The following GRIN2A variants were observed in gnomAD, a reference collection of about 807,000 sequenced individuals.
GRIN2A encodes the protein glutamate ionotropic receptor NMDA type subunit 2A.
Under a neutral mutation model 113.4 loss-of-function variants are expected in GRIN2A, and 22 were observed. The ratio of observed to expected loss-of-function variants is 0.19; its 90% CI spans 0.14 to 0.28. The LOEUF (loss-of-function observed/expected upper bound fraction) is 0.28. Ranked by LOEUF, GRIN2A falls within the 10% of genes least tolerant of loss-of-function variation. The pLI, the probability that GRIN2A is intolerant of heterozygous loss-of-function variation, is 1.00. For synonymous variants in GRIN2A, 827 were observed against 738.4 expected, an observed-to-expected ratio of 1.12 and a Z score of -1.94; for missense variants, 1,502 against 1,887.0, an observed-to-expected ratio of 0.80 and a Z score of 3.78.
intron 2 of GRIN2A, among the ~76,000 whole-genome samples, chr16:10,161,418 A>G (rs1240036607): frequency 1.3e-5 from 2 of 152,126 alleles, no homozygotes; most frequent in Non-Finnish European, 2.9e-5. Context: ...CAACTTAACT[A>G]TTTGATGAAG....
At chr16:9,954,929 G>A (rs537164101) in intron 2 of GRIN2A, among the ~76,000 whole-genome samples, 5 of 152,126 alleles carry the variant, frequency 3.3e-5, no homozygotes, top group Non-Finnish European at 5.9e-5. Flanking sequence ...ACCAAGTGGC[G>A]TTAGGCTTAC....
chr16:9,972,312 C>A (rs561407933), intron 2 of GRIN2A, among the ~76,000 whole-genome samples: 14 of 152,288 alleles, frequency 9.2e-5, no homozygotes, highest in African/African-American at 3.1e-4. Flanking sequence ...ATATAGCATT[C>A]ACAAAGTGCT....
At chr16:10,164,795 C>T (rs1483588568) in intron 2 of GRIN2A, among the ~76,000 whole-genome samples, 1 of 152,128 alleles carries the variant, frequency 6.6e-6, no homozygotes, top group East Asian at 1.9e-4. Context: ...TATGCAATAC[C>T]TAGGGAATAT....
chr16:9,828,944 A>G (rs563627696), intron 9 of GRIN2A, among the ~76,000 whole-genome samples: 1 of 152,312 alleles, frequency 6.6e-6, no homozygotes, highest in East Asian at 1.9e-4. Context: ...GGCTGTATGG[A>G]AAAGAGGAGC....
At chr16:9,925,934 T>C (rs2044454736) in intron 3 of GRIN2A, among the ~76,000 whole-genome samples, 1 of 152,228 alleles carries the variant, frequency 6.6e-6, no homozygotes, top group East Asian at 1.9e-4. Context: ...AACCAAATAC[T>C]TTACTACGTT....
At chr16:9,835,702 A>C (rs186063971) in intron 7 of GRIN2A, among the ~76,000 whole-genome samples, 1 of 152,146 alleles carries the variant, frequency 6.6e-6, no homozygotes, top group Non-Finnish European at 1.5e-5. Flanking sequence ...TTTCCTAGTG[A>C]AGCTACTTAT....
intron 2 of GRIN2A, among the ~76,000 whole-genome samples, chr16:9,978,829 C>A (rs1225060728): frequency 6.6e-6 from 1 of 152,150 alleles, no homozygotes; most frequent in Non-Finnish European, 1.5e-5. Flanking sequence ...GATGACATAA[C>A]GTGGCACGGG....
At chr16:10,149,871 C>T (rs978855790) in intron 2 of GRIN2A, among the ~76,000 whole-genome samples, 15 of 152,172 alleles carry the variant, frequency 9.9e-5, no homozygotes, top group African/African-American at 3.6e-4. Context: ...AAATAAAACC[C>T]AAACTGCTCT....
intron 2 of GRIN2A, among the ~76,000 whole-genome samples, chr16:9,939,327 T>G (rs1422044544): frequency 6.6e-6 from 1 of 152,086 alleles, no homozygotes; most frequent in Non-Finnish European, 1.5e-5. Flanking sequence ...TCAGAAGCTG[T>G]AGATGAATGC....
intron 2 of GRIN2A, among the ~76,000 whole-genome samples, chr16:10,141,677 G>T (rs1041802854): frequency 2.0e-5 from 3 of 152,146 alleles, no homozygotes; most frequent in Non-Finnish European, 2.9e-5. Flanking sequence ...CATAATGCCA[G>T]ACCTTTTCAT....
chr16:10,073,704 G>A (rs963051835), intron 2 of GRIN2A, among the ~76,000 whole-genome samples: 26 of 150,990 alleles, frequency 1.7e-4, no homozygotes, highest in Non-Finnish European at 2.5e-4. Flanking sequence ...GTGAAAATAC[G>A]ACCAGCCTGG....
At chr16:10,073,644 C>A (rs950980690) in intron 2 of GRIN2A, among the ~76,000 whole-genome samples, 2 of 152,068 alleles carry the variant, frequency 1.3e-5, no homozygotes, top group African/African-American at 4.8e-5. Flanking sequence ...ACATCCTTCA[C>A]CCTTTGTCAA....
At chr16:9,797,542 C>T (rs1321679804) in intron 11 of GRIN2A, among the ~76,000 whole-genome samples, 1 of 152,186 alleles carries the variant, frequency 6.6e-6, no homozygotes, top group Non-Finnish European at 1.5e-5. Context: ...ATAGAGATTG[C>T]CTTTCCTTCA....
chr16:10,091,057 G>T (rs1436086154), intron 2 of GRIN2A, among the ~76,000 whole-genome samples: 3 of 152,208 alleles, frequency 2.0e-5, no homozygotes, highest in Non-Finnish European at 4.4e-5. Flanking sequence ...GTGTTGGCAA[G>T]GATTCACAGA....
At chr16:9,821,355 C>T (rs555987749) in intron 10 of GRIN2A, among the ~76,000 whole-genome samples, 4 of 152,218 alleles carry the variant, frequency 2.6e-5, no homozygotes, top group South Asian at 2.1e-4. Flanking sequence ...GGACACACTC[C>T]GTGCTTCCTA....
intron 2 of GRIN2A, chr16:10,112,588 A>G: frequency 1.3e-6 from 1 of 770,448 alleles, no homozygotes; most frequent in South Asian, 1.3e-5. Context: ...TTCTTCTCAG[A>G]CAGGGTGCAG....
intron 2 of GRIN2A, among the ~76,000 whole-genome samples, chr16:10,065,104 C>G (rs1596473028): frequency 6.6e-6 from 1 of 152,140 alleles, no homozygotes; most frequent in Admixed American, 6.6e-5. Flanking sequence ...TCAACACAAA[C>G]AGAAAATTAA....
At chr16:9,845,019 C>T (rs2042747108) in intron 5 of GRIN2A, among the ~76,000 whole-genome samples, 1 of 152,136 alleles carries the variant, frequency 6.6e-6, no homozygotes, top group African/African-American at 2.4e-5. Flanking sequence ...ATCAGCCTTC[C>T]TCAAAGACGT....
At chr16:9,793,118 T>G (rs750212365) in intron 11 of GRIN2A, among the ~76,000 whole-genome samples, 6 of 152,184 alleles carry the variant, frequency 3.9e-5, no homozygotes, top group Admixed American at 1.3e-4. Flanking sequence ...GGAGCCTCAT[T>G]TTCCTGCTTT....
Sources: gnomAD v4.1 joint callset for allele counts (sites outside exome capture counted in the v4.1 genomes callset) on GRCh38, gnomAD v4.1.1 for gene constraint, MANE v1.5 for transcripts, NCBI Gene and HGNC (gene_info 2026-07-23, HGNC 2026-07-21) for gene names.